The following KCNIP4 variants were observed in gnomAD, a reference collection of about 807,000 sequenced individuals.
KCNIP4 encodes the protein potassium voltage-gated channel interacting protein 4, also known as Kv channel-interacting protein 4.
Under a neutral mutation model 34.0 loss-of-function variants are expected in KCNIP4, and 12 were observed. That is an observed-to-expected ratio of 0.35 (90% CI 0.23 to 0.57). KCNIP4 has a LOEUF of 0.57. Among genes scored for constraint, KCNIP4 ranks in the 20% least tolerant of loss-of-function variants. The probability of loss-of-function intolerance (pLI) is 0.83; values close to 1 mark genes in which losing one functional copy is unlikely to be tolerated. For synonymous variants in KCNIP4, 124 were observed against 102.2 expected (o/e 1.21, Z -1.29); for missense variants, 238 against 311.7 (o/e 0.76, Z 1.78).
chr4:21,098,919 T>C (rs1347484528), intron 1 of KCNIP4, among the ~76,000 whole-genome samples: 1 of 152,184 alleles, frequency 6.6e-6, no homozygotes, highest in Non-Finnish European at 1.5e-5. Context: ...CACAATGAGA[T>C]ACCATTTAAC....
chr4:21,619,903 G>T (rs756707292), intron 1 of KCNIP4, among the ~76,000 whole-genome samples: 6 of 152,182 alleles, frequency 3.9e-5, no homozygotes, highest in Non-Finnish European at 7.3e-5. Flanking sequence ...AAATTAGAAG[G>T]GGTGTTACCT....
At chr4:21,851,996 A>ATGTGTGTGTGTGTGTGTG (rs930861529) in intron 1 of KCNIP4, 1 of 10,572 alleles carries the variant, frequency 9.5e-5, no homozygotes, top group African/African-American at 1.1e-4. Flanking sequence ...TTCAATTAAT[A>ATGTGTGTGTGTGTGTGTG]TGTGTGTGTG....
intron 3 of KCNIP4, among the ~76,000 whole-genome samples, chr4:20,819,995 A>C (rs982134797): frequency 1.3e-5 from 2 of 152,206 alleles, no homozygotes; most frequent in Non-Finnish European, 2.9e-5. Context: ...GGTACCAAGC[A>C]GTGGGGTGTT....
At chr4:21,453,981 A>T (rs34836460) in intron 1 of KCNIP4, among the ~76,000 whole-genome samples, 16,602 of 152,026 alleles carry the variant, frequency 0.11, 1,148 homozygotes, top group Non-Finnish European at 0.15. Context: ...GGGAGCATCA[A>T]CTGAGTCAAG....
intron 1 of KCNIP4, among the ~76,000 whole-genome samples, chr4:21,270,204 T>C (rs1016137633): frequency 6.6e-6 from 1 of 152,192 alleles, no homozygotes; most frequent in Non-Finnish European, 1.5e-5. Context: ...TCATGGACTC[T>C]GTTGGTCAAA....
intron 1 of KCNIP4, among the ~76,000 whole-genome samples, chr4:21,800,510 G>A (rs569071191): frequency 3.3e-5 from 5 of 152,112 alleles, no homozygotes; most frequent in Admixed American, 6.5e-5. Context: ...AAATAAAACC[G>A]TGACTCCCTA....
At chr4:21,436,100 C>T (rs779647697) in intron 1 of KCNIP4, among the ~76,000 whole-genome samples, 1 of 152,180 alleles carries the variant, frequency 6.6e-6, no homozygotes, top group African/African-American at 2.4e-5. Context: ...AAAGTGTTCA[C>T]TCTCTGGCTA....
chr4:21,869,753 G>C (rs1391688726), intron 1 of KCNIP4, among the ~76,000 whole-genome samples: 4 of 149,914 alleles, frequency 2.7e-5, no homozygotes, highest in Non-Finnish European at 4.4e-5. Flanking sequence ...TAGATAGATA[G>C]ATAGATAGAT....
intron 3 of KCNIP4, among the ~76,000 whole-genome samples, chr4:20,812,056 A>T (rs1715839120): frequency 6.6e-6 from 1 of 152,210 alleles, no homozygotes; most frequent in South Asian, 2.1e-4. Context: ...AGACTTACAT[A>T]AATGAGCAGT....
chr4:21,598,040 A>C (rs899548145), intron 1 of KCNIP4, among the ~76,000 whole-genome samples: 2 of 152,164 alleles, frequency 1.3e-5, no homozygotes, highest in Admixed American at 1.3e-4. Flanking sequence ...TGAAAAATTC[A>C]GAAAGCTGTA....
intron 1 of KCNIP4, among the ~76,000 whole-genome samples, chr4:21,203,361 C>T (rs1481422289): frequency 6.6e-6 from 1 of 152,044 alleles, no homozygotes; most frequent in African/African-American, 2.4e-5. Flanking sequence ...AGGGGCATTG[C>T]AACAAATGAG....
intron 1 of KCNIP4, among the ~76,000 whole-genome samples, chr4:21,224,592 T>TG (rs1486515832): frequency 7.3e-6 from 1 of 136,486 alleles, no homozygotes; most frequent in Non-Finnish European, 1.6e-5. Flanking sequence ...TTTTTTTTTT[T>TG]TTTTTTTTTT....
intron 1 of KCNIP4, among the ~76,000 whole-genome samples, chr4:21,236,097 C>T (rs192710490): frequency 7.9e-5 from 12 of 152,008 alleles, no homozygotes; most frequent in Middle Eastern, 3.4e-3. Flanking sequence ...GAGTTGGAGA[C>T]CAGCCTAGGC....
At chr4:21,705,521 A>G (rs1459629197) in intron 1 of KCNIP4, among the ~76,000 whole-genome samples, 1 of 152,138 alleles carries the variant, frequency 6.6e-6, no homozygotes, top group African/African-American at 2.4e-5. Flanking sequence ...TTAGGTGCTG[A>G]ATATACATGA....
At chr4:21,577,379 C>G (rs1740825468) in intron 1 of KCNIP4, among the ~76,000 whole-genome samples, 1 of 152,110 alleles carries the variant, frequency 6.6e-6, no homozygotes, top group Non-Finnish European at 1.5e-5. Context: ...CCTGTAATCC[C>G]AGCACTTTTG....
At chr4:21,637,227 G>A (rs1746251832) in intron 1 of KCNIP4, among the ~76,000 whole-genome samples, 1 of 152,050 alleles carries the variant, frequency 6.6e-6, no homozygotes, top group Non-Finnish European at 1.5e-5. Flanking sequence ...AGTTCTCCAG[G>A]TCGGGTATCA....
intron 1 of KCNIP4, among the ~76,000 whole-genome samples, chr4:21,539,854 CT>C (rs1737526935): frequency 6.6e-6 from 1 of 152,034 alleles, no homozygotes; most frequent in Non-Finnish European, 1.5e-5. Context: ...TGGCGGGCAC[CT>C]GTAATCCCAG....
chr4:21,767,615 T>G (rs766979768), intron 1 of KCNIP4, among the ~76,000 whole-genome samples: 1 of 152,120 alleles, frequency 6.6e-6, no homozygotes, highest in African/African-American at 2.4e-5. Flanking sequence ...AATACAGTTA[T>G]TAAAATCCTT....
At chr4:20,926,166 G>A (rs1434931046) in intron 1 of KCNIP4, among the ~76,000 whole-genome samples, 1 of 152,198 alleles carries the variant, frequency 6.6e-6, no homozygotes, top group East Asian at 1.9e-4. Flanking sequence ...GCCAGACAAT[G>A]GTCAACCTTG....
Sources: allele counts gnomAD v4.1 joint callset (sites outside exome capture counted in the v4.1 genomes callset), GRCh38; gene constraint gnomAD v4.1.1; transcripts MANE v1.5; gene names NCBI Gene and HGNC (gene_info 2026-07-23, HGNC 2026-07-21).